OSBPL9: variants seen among roughly 807,000 people sequenced by gnomAD.
OSBPL9 encodes oxysterol-binding protein-related protein 9.
Under a neutral mutation model 106.6 loss-of-function variants are expected in OSBPL9, and 40 were observed. The observed-to-expected ratio is 0.38, with a 90% CI of 0.29 to 0.49. The LOEUF is 0.49. Ranked by LOEUF, OSBPL9 falls within the 20% of genes least tolerant of loss-of-function variation. The pLI, the probability that OSBPL9 is intolerant of heterozygous loss-of-function variation, is 0.97. For missense variants in OSBPL9, 609 were observed against 887.2 expected, an observed-to-expected ratio of 0.69 and a Z score of 3.98; for synonymous variants, 269 against 295.4, an observed-to-expected ratio of 0.91 and a Z score of 0.92.
upstream of OSBPL9, chr1:51,617,061 C>CA: frequency 6.4e-7 from 1 of 1,561,534 alleles, no homozygotes; most frequent in African/African-American, 1.4e-5. Flanking sequence ...TGCTGAATGC[C>CA]ATATAGGCGA....
At chr1:51,734,130 G>C (rs1464037703) in intron 4 of OSBPL9, among the ~76,000 whole-genome samples, 1 of 152,184 alleles carries the variant, frequency 6.6e-6, no homozygotes, top group African/African-American at 2.4e-5. Context: ...TGGTTGCTCT[G>C]TATGTGTGTG....
intron 9 of OSBPL9, among the ~76,000 whole-genome samples, chr1:51,757,446 C>A (rs1670582979): frequency 6.6e-6 from 1 of 151,820 alleles, no homozygotes; most frequent in African/African-American, 2.4e-5. Context: ...ATTTTATGGT[C>A]TCCAAAGACT....
the OSBPL9 span, among the ~76,000 whole-genome samples, chr1:51,568,962 C>T: frequency 3.9e-5 from 6 of 152,194 alleles, no homozygotes; most frequent in South Asian, 2.1e-4. Context: ...ATCTACCCGC[C>T]TCAGCCCCCC....
chr1:51,680,670 A>AAAAAAAAACC (rs1652352160), intron 3 of OSBPL9, among the ~76,000 whole-genome samples: 1 of 150,676 alleles, frequency 6.6e-6, no homozygotes, highest in African/African-American at 2.4e-5. Flanking sequence ...CAAAAAAAAC[A>AAAAAAAAACC]AAAAAAAACC....
intron 3 of OSBPL9, chr1:51,669,953 T>C: frequency 2.7e-6 from 1 of 366,790 alleles, no homozygotes; most frequent in East Asian, 7.4e-5. Context: ...ACCTTTGGCT[T>C]AAAGGTTTTG....
Position 51,729,806 on chromosome 1 carries a change from G to A in OSBPL9, c.318+15727G>A. 8.1e-7 allele frequency: 1 copy of A among 1,239,826 alleles called. No individual in the cohort carries two copies. The highest frequency in any genetic ancestry group is 1.0e-6 in the Non-Finnish European group (1 of 985,162). 76.8% of individuals were successfully genotyped at this position (1,239,826 alleles called of 1,614,324 possible). A position where few individuals can be genotyped will look rare whatever the true frequency, so the allele number is the denominator to read the frequency against. ...CCGCCGGGGAGGGGACGGGAAAGGG[G>A]TGGGGGGTGAAGGGGGTGAAGGGGG... is the stretch of plus-strand genomic sequence containing the variant. On this transcript the variant is annotated intron_variant, in intron 4 of 23. Transcript: ENST00000428468. The surrounding 1 kb of genome is among the most constrained non-coding windows in gnomAD (Gnocchi z 5.1).
At chr1:51,569,594 C>G in the OSBPL9 span, 1 of 152,170 alleles carries the variant, frequency 6.6e-6, no homozygotes, top group South Asian at 2.1e-4. Flanking sequence ...CCTCCTGGTT[C>G]AGGGTGGCAG....
chr1:51,530,043 C>T, the OSBPL9 span, among the ~76,000 whole-genome samples: 39,606 of 150,214 alleles, frequency 0.26, 6,118 homozygotes, highest in Middle Eastern at 0.38. Context: ...TGGTGGCGGG[C>T]GCCTGTAGTC....
At chr1:51,524,279 A>G in the OSBPL9 span, among the ~76,000 whole-genome samples, 2 of 152,192 alleles carry the variant, frequency 1.3e-5, no homozygotes, top group Non-Finnish European at 2.9e-5. Context: ...AACAGTTCAA[A>G]ATTGTCATCA....
intron 3 of OSBPL9, among the ~76,000 whole-genome samples, chr1:51,671,797 G>A (rs976901981): frequency 7.9e-5 from 12 of 152,236 alleles, no homozygotes; most frequent in Admixed American, 7.9e-4. Flanking sequence ...TGCCTTTTTA[G>A]TGAAGAGCTG....
chr1:51,617,824 C>T (rs1644161501), intron 1 of OSBPL9, among the ~76,000 whole-genome samples: 1 of 152,084 alleles, frequency 6.6e-6, no homozygotes, highest in Non-Finnish European at 1.5e-5. Flanking sequence ...CAAACGACGC[C>T]TTAACTTTTG....
At chr1:51,581,227 A>G (rs888595463) in intron 1 of OSBPL9, among the ~76,000 whole-genome samples, 1 of 151,754 alleles carries the variant, frequency 6.6e-6, no homozygotes, top group Non-Finnish European at 1.5e-5. Context: ...CCTGGCCAGA[A>G]TGTCTTTCTA....
intron 1 of OSBPL9, among the ~76,000 whole-genome samples, chr1:51,625,855 A>C (rs1162813448): frequency 6.6e-6 from 1 of 152,228 alleles, no homozygotes; most frequent in African/African-American, 2.4e-5. Flanking sequence ...ATTTACTTGC[A>C]GAAGTTAAGT....
chr1:51,518,583 T>G, the OSBPL9 span: 10 of 152,646 alleles, frequency 6.6e-5, no homozygotes, highest in Admixed American at 6.5e-4. Flanking sequence ...GAGTGGGTAG[T>G]TGAGTAGGAT....
intron 1 of OSBPL9, among the ~76,000 whole-genome samples, chr1:51,621,471 A>G (rs1284262901): frequency 4.0e-5 from 6 of 150,176 alleles, no homozygotes; most frequent in African/African-American, 1.2e-4. Context: ...GTCCCACTGC[A>G]CTCCAGCCTG....
chr1:51,686,545 G>C (rs1280519064), intron 3 of OSBPL9, among the ~76,000 whole-genome samples: 1 of 152,216 alleles, frequency 6.6e-6, no homozygotes, highest in Non-Finnish European at 1.5e-5. Context: ...AGGTGGTTTT[G>C]GTTGTCACGT....
intron 1 of OSBPL9, among the ~76,000 whole-genome samples, chr1:51,597,826 A>G (rs546907261): frequency 6.6e-6 from 1 of 152,318 alleles, no homozygotes; most frequent in South Asian, 2.1e-4. Flanking sequence ...CAAAATTGCA[A>G]TTCAACTAAT....
At chr1:51,731,077 G>A (rs1470490823) in intron 4 of OSBPL9, among the ~76,000 whole-genome samples, 1 of 149,400 alleles carries the variant, frequency 6.7e-6, no homozygotes, top group Non-Finnish European at 1.5e-5. Context: ...TGTGCAGCCC[G>A]ACAAGAGACA....
At chr1:51,781,489 GAGA>G in intron 16 of OSBPL9, 154 bp downstream of exon 16, 4 of 728,442 alleles carry the variant, frequency 5.5e-6, no homozygotes, top group Non-Finnish European at 8.8e-6. Flanking sequence ...TGAATGTAGT[GAGA>G]AGGAGGAAAA....
Sources: allele counts gnomAD v4.1 joint callset (sites outside exome capture counted in the v4.1 genomes callset), GRCh38; gene constraint gnomAD v4.1.1; non-coding constraint Gnocchi (gnomAD v3.1); transcripts MANE v1.5; gene names NCBI Gene and HGNC (gene_info 2026-07-23, HGNC 2026-07-21).